Variants in FRMD5 observed in about 807,000 individuals in gnomAD.
FRMD5 encodes FERM domain containing 5.
Under a neutral mutation model 69.0 loss-of-function variants are expected in FRMD5, and 20 were observed. The observed-to-expected ratio is 0.29, with a 90% CI of 0.20 to 0.42. The LOEUF (loss-of-function observed/expected upper bound fraction) is 0.42, where lower values mean the gene tolerates loss of function less well. Among genes scored for constraint, FRMD5 ranks in the 10% least tolerant of loss-of-function variants. The pLI is 1.00. For missense variants in FRMD5, 595 were observed against 708.6 expected (o/e 0.84, Z 1.82); for synonymous variants, 271 against 260.1 (o/e 1.04, Z -0.40).
intron 1 of FRMD5, among the ~76,000 whole-genome samples, chr15:44,165,751 C>T (rs2077698615): frequency 6.6e-6 from 1 of 151,880 alleles, no homozygotes; most frequent in Non-Finnish European, 1.5e-5. Flanking sequence ...GAAAGGATTG[C>T]TTGAGCTGGG....
intron 1 of FRMD5, among the ~76,000 whole-genome samples, chr15:44,130,172 A>C (rs187488062): frequency 2.6e-5 from 4 of 152,282 alleles, no homozygotes; most frequent in Non-Finnish European, 5.9e-5. Context: ...GCAGGTTGCT[A>C]ACACTCGTCA....
intron 7 of FRMD5, among the ~76,000 whole-genome samples, chr15:43,896,575 A>G (rs950432320): frequency 1.1e-4 from 16 of 152,212 alleles, no homozygotes; most frequent in African/African-American, 3.9e-4. Context: ...TCTGCCCAGG[A>G]AAGGATTCTT....
At chr15:44,147,717 C>T (rs1395950105) in intron 1 of FRMD5, among the ~76,000 whole-genome samples, 6 of 152,092 alleles carry the variant, frequency 3.9e-5, no homozygotes, top group African/African-American at 7.2e-5. Flanking sequence ...TCTGATGTAA[C>T]TATTTTGGAA....
intron 1 of FRMD5, among the ~76,000 whole-genome samples, chr15:44,141,920 G>GT (rs1209752091): frequency 4.6e-5 from 7 of 151,994 alleles, no homozygotes; most frequent in Admixed American, 1.3e-4. Flanking sequence ...TTTGTATAGG[G>GT]TTTTTTTGTC....
At chr15:44,186,937 C>T (rs1223747527) in intron 1 of FRMD5, among the ~76,000 whole-genome samples, 1 of 152,186 alleles carries the variant, frequency 6.6e-6, no homozygotes, top group Admixed American at 6.5e-5. Context: ...CTGGGGAATT[C>T]AGAGACGCAA....
rs909057452 is a variant in FRMD5 at position 44,141,740 on chromosome 15, A to G, written c.102+53213T>C. Among the ~76,000 whole-genome samples the G allele has an allele frequency of 1.5e-4, 23 of 152,316 alleles. 1 individual carries two copies. The highest frequency in any genetic ancestry group is 2.4e-4 in the Non-Finnish European group (16 of 68,030). Reference sequence around the variant, plus strand: ...TGTAATTCGGAAGCTGCAGAGTTAGAGTGTGAGCATCACTTTCCAAGTGCT... The same window carrying G: ...TGTAATTCGGAAGCTGCAGAGTTAGGGTGTGAGCATCACTTTCCAAGTGCT... On this transcript the variant is annotated intron_variant, in intron 1 of 13. Coordinates refer to ENST00000417257, the MANE Select transcript of FRMD5 (RefSeq NM_032892.5).
At chr15:44,106,088 C>T (rs1226514162) in intron 1 of FRMD5, among the ~76,000 whole-genome samples, 2 of 151,954 alleles carry the variant, frequency 1.3e-5, no homozygotes, top group South Asian at 2.1e-4. Flanking sequence ...AAACATTTTC[C>T]ATCCACAGTT....
At chr15:43,907,292 C>T (rs1371398380) in intron 5 of FRMD5, among the ~76,000 whole-genome samples, 2 of 152,192 alleles carry the variant, frequency 1.3e-5, no homozygotes, top group East Asian at 3.9e-4. Context: ...CAAACCTACT[C>T]ACTGTATCTT....
In FRMD5 at chr15:43,873,104, A is replaced by G; in HGVS notation, c.*781T>C. On this transcript the variant is annotated 3_prime_UTR_variant, in exon 14 of 14. Coordinates refer to ENST00000417257, the MANE Select transcript of FRMD5 (RefSeq NM_032892.5). The stretch of plus-strand genomic sequence containing the variant: ...TCTTCGGAAAAAAAAAATCACGTTA[A>G]GTCTAGTTTCATTATACAAAACTAT... 2.1e-6 allele frequency: 3 copies of G among 1,404,068 alleles called. No homozygotes were observed. Among genetic ancestry groups the G allele is most frequent in the Non-Finnish European group, 2.9e-6 (3 of 1,027,754 alleles). 87.0% of individuals were successfully genotyped at this position (1,404,068 alleles called of 1,614,324 possible). A position where few individuals can be genotyped will look rare whatever the true frequency, so the allele number is the denominator to read the frequency against.
chr15:43,951,538 T>C lies in FRMD5; in HGVS notation c.103-27229A>G, dbSNP rs569508286. On this transcript the variant is annotated intron_variant, in intron 1 of 13. Transcript: ENST00000417257. Reference sequence around the variant, plus strand: ...AATATTTTATAAAGAAAATAATTCATAGTGCTCTTAGACTTCAAATACCAA... The same window carrying C: ...AATATTTTATAAAGAAAATAATTCACAGTGCTCTTAGACTTCAAATACCAA... Among the ~76,000 whole-genome samples the C allele has an allele frequency of 1.6e-4, 24 of 152,334 alleles. 1 individual carries two copies. The East Asian group carries it at 1.9e-3, about 12-fold the overall frequency.
At chr15:44,121,988 C>CAAAAAAAAAAAA (rs34129381) in intron 1 of FRMD5, among the ~76,000 whole-genome samples, 1 of 70,008 alleles carries the variant, frequency 1.4e-5, no homozygotes, top group Non-Finnish European at 3.0e-5. Context: ...AAGGGAGACT[C>CAAAAAAAAAAAA]AAAAAAAAAA....
chr15:44,169,841 A>G (rs2140525041), intron 1 of FRMD5, among the ~76,000 whole-genome samples: 1 of 152,304 alleles, frequency 6.6e-6, no homozygotes, highest in Admixed American at 6.5e-5. Context: ...CTTAGGTATA[A>G]TACTACTGAA....
At chr15:44,013,568 A>G (rs1483780681) in intron 1 of FRMD5, among the ~76,000 whole-genome samples, 2 of 152,242 alleles carry the variant, frequency 1.3e-5, no homozygotes. Flanking sequence ...GTGTAGGCCT[A>G]TACTATTCTG....
At chr15:44,054,101 T>C (rs1892773959) in intron 1 of FRMD5, among the ~76,000 whole-genome samples, 1 of 152,264 alleles carries the variant, frequency 6.6e-6, no homozygotes, top group Non-Finnish European at 1.5e-5. Flanking sequence ...TGCCTTCTCA[T>C]GTTCAACTGC....
At chr15:44,032,740 A>G (rs1375827388) in intron 1 of FRMD5, among the ~76,000 whole-genome samples, 1 of 152,226 alleles carries the variant, frequency 6.6e-6, no homozygotes, top group Non-Finnish European at 1.5e-5. Context: ...GGGAACACTT[A>G]TACACTGTTG....
rs1163466385 is a variant in FRMD5, at chr15:44,097,313, A to G, written c.102+97640T>C. Among the ~76,000 whole-genome samples, 3 of 152,362 alleles carry G rather than the reference A, an allele frequency of 2.0e-5. No homozygotes were observed. The East Asian group carries it at 5.8e-4, about 29-fold the overall frequency. On this transcript the variant is annotated intron_variant, in intron 1 of 13. Coordinates refer to ENST00000417257, the MANE Select transcript of FRMD5 (RefSeq NM_032892.5). ...TGTAGGAACAGCAAGCTTTGTAGAA[A>G]AATTCTGAAGTGCCTTTAGCAAAGC...
At chr15:44,173,909 C>T (rs1284544715) in intron 1 of FRMD5, among the ~76,000 whole-genome samples, 2 of 152,192 alleles carry the variant, frequency 1.3e-5, no homozygotes, top group South Asian at 2.1e-4. Flanking sequence ...GTATAAAGTA[C>T]TTTCAGATAC....
At chr15:43,942,921 A>C in intron 1 of FRMD5, among the ~76,000 whole-genome samples, 1 of 152,170 alleles carries the variant, frequency 6.6e-6, no homozygotes, top group Non-Finnish European at 1.5e-5. Context: ...CACCAGGCCC[A>C]GCTAATTATT....
intron 1 of FRMD5, among the ~76,000 whole-genome samples, chr15:44,190,613 C>A (rs1430823283): frequency 6.6e-6 from 1 of 152,162 alleles, no homozygotes; most frequent in Admixed American, 6.5e-5. Context: ...TTCATAAATA[C>A]CTCAAAGACC....
Sources: gnomAD v4.1 joint callset for allele counts (sites outside exome capture counted in the v4.1 genomes callset) on GRCh38, gnomAD v4.1.1 for gene constraint, MANE v1.5 for transcripts, NCBI Gene and HGNC (gene_info 2026-07-23, HGNC 2026-07-21) for gene names.